FHIT: variants seen among roughly 807,000 people sequenced by gnomAD.
The protein encoded by FHIT is fragile histidine triad diadenosine triphosphatase.
FHIT carries 19 observed loss-of-function variants against 17.9 expected under a neutral mutation model. The observed-to-expected ratio is 1.06, with a 90% CI of 0.74 to 1.56. The LOEUF (loss-of-function observed/expected upper bound fraction) is 1.56, where lower values mean the gene tolerates loss of function less well. Among genes scored for constraint, FHIT ranks in the 40% most tolerant of loss-of-function variants. The probability of loss-of-function intolerance (pLI) is 0.00; values close to 1 mark genes in which losing one functional copy is unlikely to be tolerated. For missense variants in FHIT, 248 were observed against 189.2 expected, an observed-to-expected ratio of 1.31 and a Z score of -1.82; for synonymous variants, 81 against 69.7, an observed-to-expected ratio of 1.16 and a Z score of -0.81.
chr3:60,213,899 C>G (rs1396827130), intron 5 of FHIT, among the ~76,000 whole-genome samples: 1 of 152,118 alleles, frequency 6.6e-6, no homozygotes, highest in East Asian at 1.9e-4. Context: ...CATCTCCTAT[C>G]TCTAAGTCAT....
chr3:60,572,035 G>C (rs117920249), intron 4 of FHIT, among the ~76,000 whole-genome samples: 2,178 of 151,314 alleles, frequency 0.014, 104 homozygotes, highest in Admixed American at 0.095. Context: ...TCTTTTTTTT[G>C]GGGGGGAAGA....
chr3:60,533,413 T>C (rs1370562142), intron 5 of FHIT, among the ~76,000 whole-genome samples: 1 of 152,174 alleles, frequency 6.6e-6, no homozygotes, highest in Non-Finnish European at 1.5e-5. Context: ...CAAGAGCAGG[T>C]CTCGTCCATA....
intron 4 of FHIT, among the ~76,000 whole-genome samples, chr3:60,800,729 A>C (rs1409011041): frequency 6.6e-6 from 1 of 152,216 alleles, no homozygotes; most frequent in African/African-American, 2.4e-5. Context: ...ATATGGCTTC[A>C]GCTGGAGTCC....
chr3:60,556,108 G>C (rs1326361695), intron 4 of FHIT, among the ~76,000 whole-genome samples: 2 of 152,246 alleles, frequency 1.3e-5, no homozygotes, highest in East Asian at 3.9e-4. Flanking sequence ...TTTTCTTATA[G>C]CTACTTTTGA....
At chr3:59,826,914 A>G (rs1024297220) in intron 8 of FHIT, among the ~76,000 whole-genome samples, 1 of 152,198 alleles carries the variant, frequency 6.6e-6, no homozygotes, top group Non-Finnish European at 1.5e-5. Context: ...ATGGCATCCT[A>G]AGGGCACTCT....
intron 5 of FHIT, among the ~76,000 whole-genome samples, chr3:60,136,760 T>C (rs1195084840): frequency 6.6e-6 from 1 of 152,184 alleles, no homozygotes; most frequent in African/African-American, 2.4e-5. Flanking sequence ...CTATCCAGCC[T>C]GGCCCCTCTC....
chr3:60,838,581 A>T (rs951455356), intron 3 of FHIT, among the ~76,000 whole-genome samples: 1 of 152,178 alleles, frequency 6.6e-6, no homozygotes. Context: ...GGATATTTTC[A>T]CAGGCAATAG....
chr3:60,725,724 T>C (rs2107974466), intron 4 of FHIT, among the ~76,000 whole-genome samples: 1 of 152,316 alleles, frequency 6.6e-6, no homozygotes. Flanking sequence ...GTACCACCAT[T>C]ATTACCACTG....
chr3:60,584,540 C>T (rs2037847831), intron 4 of FHIT, among the ~76,000 whole-genome samples: 1 of 152,010 alleles, frequency 6.6e-6, no homozygotes, highest in African/African-American at 2.4e-5. Context: ...CCTTTGGAAT[C>T]CCAAATGCAT....
chr3:60,431,961 G>T (rs1401946939), intron 5 of FHIT, among the ~76,000 whole-genome samples: 1 of 151,812 alleles, frequency 6.6e-6, no homozygotes, highest in African/African-American at 2.4e-5. Context: ...TGGCAGTAGG[G>T]CTTTTATTTT....
At chr3:61,210,585 G>A (rs1479356345) in intron 1 of FHIT, among the ~76,000 whole-genome samples, 1 of 152,216 alleles carries the variant, frequency 6.6e-6, no homozygotes, top group Non-Finnish European at 1.5e-5. Context: ...GAGGCTCCGT[G>A]GGCGTAGGGC....
chr3:60,708,777 TC>T, intron 4 of FHIT, among the ~76,000 whole-genome samples: 1 of 152,334 alleles, frequency 6.6e-6, no homozygotes, highest in Non-Finnish European at 1.5e-5. Context: ...CAAAGCTTAT[TC>T]CATGGGAAAA....
At chr3:60,902,676 T>C (rs945696161) in intron 3 of FHIT, among the ~76,000 whole-genome samples, 3 of 152,162 alleles carry the variant, frequency 2.0e-5, no homozygotes, top group African/African-American at 7.2e-5. Flanking sequence ...GAGCCCCAAC[T>C]TGAGGATAAT....
At chr3:61,242,214 C>T (rs146536987) in intron 1 of FHIT, among the ~76,000 whole-genome samples, 241 of 152,032 alleles carry the variant, frequency 1.6e-3, no homozygotes, top group African/African-American at 5.5e-3. Flanking sequence ...ATATGCTACC[C>T]CAAAATATGC....
chr3:60,080,996 C>T lies in FHIT; in HGVS notation c.104-66844G>A, dbSNP rs138998650. The stretch of plus-strand genomic sequence containing the variant: ...CCTCTAGACATGGGAGTGCAGGCAT[C>T]TATCTCTATCAAGGTACATGACATG... On this transcript the variant is annotated intron_variant, in intron 5 of 9. Coordinates refer to ENST00000492590, the MANE Select transcript of FHIT (RefSeq NM_002012.4). Among the ~76,000 whole-genome samples the T allele has an allele frequency of 1.0e-3, 158 of 152,162 alleles. 1 individual carries two copies. Among genetic ancestry groups the T allele is most frequent in the African/African-American group, 3.6e-3 (150 of 41,512 alleles).
intron 3 of FHIT, among the ~76,000 whole-genome samples, chr3:60,917,597 G>C (rs1553767357): frequency 6.6e-6 from 1 of 152,130 alleles, no homozygotes; most frequent in South Asian, 2.1e-4. Context: ...CAGACCCTCA[G>C]GTCTTGCTGC....
intron 1 of FHIT, among the ~76,000 whole-genome samples, chr3:61,248,355 T>G (rs911555535): frequency 6.6e-6 from 1 of 152,124 alleles, no homozygotes; most frequent in Non-Finnish European, 1.5e-5. Context: ...AAATAGACTG[T>G]TTCAGGAATG....
chr3:60,804,917 A>G (rs564969708), intron 4 of FHIT, among the ~76,000 whole-genome samples: 29 of 152,354 alleles, frequency 1.9e-4, no homozygotes, highest in African/African-American at 6.3e-4. Context: ...AATTTCTGCA[A>G]ACAAATGACT....
At chr3:60,145,815 T>C (rs1206345005) in intron 5 of FHIT, among the ~76,000 whole-genome samples, 2 of 152,180 alleles carry the variant, frequency 1.3e-5, no homozygotes, top group Non-Finnish European at 2.9e-5. Context: ...CCCTCAAAGA[T>C]TATTCATCTT....
Sources: gnomAD v4.1 joint callset for allele counts (sites outside exome capture counted in the v4.1 genomes callset) on GRCh38, gnomAD v4.1.1 for gene constraint, MANE v1.5 for transcripts, NCBI Gene and HGNC (gene_info 2026-07-23, HGNC 2026-07-21) for gene names.